PTPRN2: variants seen among roughly 807,000 people sequenced by gnomAD.
PTPRN2 encodes protein tyrosine phosphatase receptor type N2.
PTPRN2 carries 74 observed loss-of-function variants against 118.8 expected under a neutral mutation model. The ratio of observed to expected loss-of-function variants is 0.62; its 90% confidence interval spans 0.52 to 0.76. The LOEUF is 0.76. Ranked by LOEUF, PTPRN2 falls within the 30% of genes least tolerant of loss-of-function variation. The probability of loss-of-function intolerance (pLI) is 0.00; values close to 1 mark genes in which losing one functional copy is unlikely to be tolerated. For missense variants in PTPRN2, 1,481 were observed against 1,394.4 expected (o/e 1.06, Z -0.99); for synonymous variants, 641 against 608.0 (o/e 1.05, Z -0.80).
In PTPRN2 at chr7:157,929,308, C is replaced by A. The variant is rs578256906; in HGVS notation, c.1724-30571G>T. On this transcript the variant is annotated intron_variant, in intron 11 of 22. Coordinates refer to ENST00000389418, the MANE Select transcript of PTPRN2 (RefSeq NM_002847.5). The surrounding 1 kb of genome is among the most constrained non-coding windows in gnomAD (Gnocchi z 4.4). ...CTGCTCCTCTGACTACCTTCAGCAA[C>A]CCTGCCTTACGGTGGGGATGCTGGA... is the stretch of plus-strand genomic sequence containing the variant. Among the ~76,000 whole-genome samples the A allele has an allele frequency of 2.5e-4, 38 of 152,028 alleles. No homozygotes were observed. Among genetic ancestry groups the A allele is most frequent in the African/African-American group, 7.2e-4 (30 of 41,542 alleles).
rs939904251 is a variant in PTPRN2, at chr7:158,138,553, G to C, written c.911-38C>G. 5 of 1,584,258 alleles carry C rather than the reference G, an allele frequency of 3.2e-6. No individual in the cohort carries two copies. The African/African-American group carries it at 6.7e-5, about 21-fold the overall frequency. On this transcript the variant is annotated intron_variant, in intron 6 of 22. Coordinates refer to ENST00000389418, the MANE Select transcript of PTPRN2 (RefSeq NM_002847.5). Reference sequence around the variant, plus strand: ...ACACAAACACAAGGACGTTGTGGGTGGACGAATGCAAAGGTGAGGGCCTCC... The same window carrying C: ...ACACAAACACAAGGACGTTGTGGGTCGACGAATGCAAAGGTGAGGGCCTCC...
chr7:158,210,835 C>T (rs2150763146), intron 3 of PTPRN2, among the ~76,000 whole-genome samples: 1 of 152,174 alleles, frequency 6.6e-6, no homozygotes. Flanking sequence ...AGTCTCCAAG[C>T]AAAGAAAAGC....
At chr7:157,648,985 C>G (rs1350264679) in intron 14 of PTPRN2, among the ~76,000 whole-genome samples, 21 of 131,534 alleles carry the variant, frequency 1.6e-4, no homozygotes, top group South Asian at 5.5e-4. Context: ...GACCCATCCA[C>G]TGTGCACTGA....
At chr7:158,402,543 T>C (rs1469889570) in intron 2 of PTPRN2, among the ~76,000 whole-genome samples, 2 of 152,188 alleles carry the variant, frequency 1.3e-5, no homozygotes, top group African/African-American at 4.8e-5. Flanking sequence ...GAGACTCCAA[T>C]ATCCCACGTG....
At chr7:157,650,202 G>A (rs564672462) in intron 14 of PTPRN2, among the ~76,000 whole-genome samples, 32 of 152,260 alleles carry the variant, frequency 2.1e-4, no homozygotes, top group African/African-American at 6.5e-4. Flanking sequence ...ATGGGGCTCC[G>A]TGCCTGGTCC....
intron 12 of PTPRN2, among the ~76,000 whole-genome samples, chr7:157,705,781 G>A (rs183096636): frequency 6.6e-5 from 10 of 150,994 alleles, no homozygotes; most frequent in Middle Eastern, 3.4e-3. Context: ...CCGGATAAAC[G>A]CGGACCATAT....
chr7:158,378,463 C>A (rs1296983267), intron 2 of PTPRN2, among the ~76,000 whole-genome samples: 1 of 152,152 alleles, frequency 6.6e-6, no homozygotes, highest in East Asian at 1.9e-4. Flanking sequence ...CTCATGGTGA[C>A]CACACGCCTG....
intron 3 of PTPRN2, among the ~76,000 whole-genome samples, chr7:158,265,437 C>A (rs551832120): frequency 1.3e-5 from 2 of 152,028 alleles, no homozygotes; most frequent in Non-Finnish European, 2.9e-5. Context: ...TGTGGGCACA[C>A]CTGCAGGCAG....
chr7:158,098,487 T>A lies in PTPRN2; in HGVS notation c.1643+12342A>T, dbSNP rs190338752. Reference sequence around the variant, plus strand: ...GCAAAGCCCAGCCCTGCTCCCGGAATGCGGAGAAGCCGTCCGTGCTCAGAA... The same window carrying A: ...GCAAAGCCCAGCCCTGCTCCCGGAAAGCGGAGAAGCCGTCCGTGCTCAGAA... On this transcript the variant is annotated intron_variant, in intron 10 of 22. Coordinates refer to ENST00000389418, the MANE Select transcript of PTPRN2 (RefSeq NM_002847.5). Among the ~76,000 whole-genome samples, 824 of 152,310 alleles carry A rather than the reference T, an allele frequency of 5.4e-3. 27 individuals carry two copies. The East Asian group carries it at 0.099, about 18-fold the overall frequency.
intron 6 of PTPRN2, among the ~76,000 whole-genome samples, chr7:158,156,665 G>C (rs1473911076): frequency 6.6e-6 from 1 of 152,216 alleles, no homozygotes; most frequent in East Asian, 1.9e-4. Flanking sequence ...GAACGCCCTG[G>C]GGCTTCGAGC....
intron 12 of PTPRN2, among the ~76,000 whole-genome samples, chr7:157,839,764 C>T (rs796325441): frequency 4.7e-5 from 7 of 147,694 alleles, no homozygotes; most frequent in African/African-American, 1.5e-4. Flanking sequence ...TGGCTGTGTG[C>T]GTGACTATGT....
intron 2 of PTPRN2, among the ~76,000 whole-genome samples, chr7:158,363,689 C>T (rs113509282): frequency 9.2e-5 from 14 of 152,152 alleles, no homozygotes; most frequent in African/African-American, 2.2e-4. Context: ...TGTCCCAGGG[C>T]GCTCGGCCCC....
At chr7:157,556,331 ACACT>A (rs1381248504) in intron 21 of PTPRN2, among the ~76,000 whole-genome samples, 20 of 147,192 alleles carry the variant, frequency 1.4e-4, no homozygotes, top group Admixed American at 1.2e-3. Context: ...ACCCACACTC[ACACT>A]CACGTCATAC....
intron 12 of PTPRN2, among the ~76,000 whole-genome samples, chr7:157,782,886 C>G (rs1803768977): frequency 6.6e-6 from 1 of 152,228 alleles, no homozygotes; most frequent in African/African-American, 2.4e-5. Context: ...CTTGAGTGCA[C>G]TCGGTGCTGG....
At chr7:158,162,374 A>C (rs902077811) in intron 6 of PTPRN2, among the ~76,000 whole-genome samples, 4 of 152,210 alleles carry the variant, frequency 2.6e-5, no homozygotes, top group African/African-American at 9.6e-5. Flanking sequence ...ACTGTGGCCC[A>C]TCTATACAAT....
Position 158,375,692 on chromosome 7 carries a change from G to A in PTPRN2, c.164-58760C>T, listed in dbSNP as rs1205707351. Among the ~76,000 whole-genome samples, 3 of 152,220 alleles carry A rather than the reference G, an allele frequency of 2.0e-5. No homozygotes were observed. The East Asian group carries it at 5.8e-4, about 29-fold the overall frequency. On this transcript the variant is annotated intron_variant, in intron 2 of 22. Coordinates refer to ENST00000389418, the MANE Select transcript of PTPRN2 (RefSeq NM_002847.5). ...CCATGCCTGCCTATCCTGTACCCAT[G>A]TAAATGCCAAGCCCCAGGCTCCACT...
intron 3 of PTPRN2, among the ~76,000 whole-genome samples, chr7:158,283,362 T>C (rs1799558771): frequency 6.6e-6 from 1 of 152,088 alleles, no homozygotes; most frequent in South Asian, 2.1e-4. Context: ...GTTCACACCG[T>C]CTGCCATCCG....
chr7:157,629,816 A>C lies in PTPRN2; in HGVS notation c.2197-8307T>G, dbSNP rs796666285. ...AGCACAATGCCCTTTAATTTACTGA[A>C]CATTACAATCAAACCTTTTGTTAAA... On this transcript the variant is annotated intron_variant, in intron 14 of 22. Transcript: ENST00000389418. This position sits in a 1 kb window ranked among gnomAD's most constrained non-coding sequence, Gnocchi z 4.4. 2.0e-4 allele frequency among the ~76,000 whole-genome samples: 31 copies of C among 152,316 alleles called. No individual in the cohort carries two copies. The highest frequency in any genetic ancestry group is 7.0e-4 in the African/African-American group (29 of 41,564).
At chr7:158,113,047 G>A (rs1261128847) in intron 9 of PTPRN2, among the ~76,000 whole-genome samples, 1 of 151,110 alleles carries the variant, frequency 6.6e-6, no homozygotes, top group Non-Finnish European at 1.5e-5. Context: ...CCCCAGCATT[G>A]AGGGCCCCCC....
Sources: gnomAD v4.1 joint callset for allele counts (sites outside exome capture counted in the v4.1 genomes callset) on GRCh38, gnomAD v4.1.1 for gene constraint, Gnocchi (gnomAD v3.1) non-coding constraint, MANE v1.5 for transcripts, NCBI Gene and HGNC (gene_info 2026-07-23, HGNC 2026-07-21) for gene names.